FANCM: variants seen among roughly 807,000 people sequenced by gnomAD.
FANCM encodes FA complementation group M.
In FANCM, 140 loss-of-function variants were observed where a neutral mutation model predicts 199.5. The observed-to-expected ratio is 0.70, with a 90% CI of 0.61 to 0.81. The LOEUF is 0.81. FANCM is among the 30% of genes least tolerant of loss of function. FANCM has a pLI of 0.00. For missense variants in FANCM, 2,410 were observed against 2,421.4 expected, an observed-to-expected ratio of 1.00 and a Z score of 0.10; for synonymous variants, 840 against 836.8, an observed-to-expected ratio of 1.00 and a Z score of -0.07.
intron 5 of FANCM, among the ~76,000 whole-genome samples, chr14:45,152,274 C>CCTGT (rs1313254279): frequency 6.6e-6 from 1 of 152,076 alleles, no homozygotes; most frequent in Non-Finnish European, 1.5e-5. Flanking sequence ...AGGTGATCTG[C>CCTGT]CTGTCTCGGC....
At chr14:45,195,395 G>A (rs1483246267) in intron 20 of FANCM, 1 of 387,858 alleles carries the variant, frequency 2.6e-6, no homozygotes, top group Non-Finnish European at 5.2e-6. Context: ...TTAAGATTGA[G>A]AACTACTTTT....
rs1887117337 is a variant in FANCM at position 45,155,468 on chromosome 14, T to C, written c.1396+9T>C. On this transcript the variant is annotated intron_variant, in intron 8 of 22. Transcript: ENST00000267430. ...CTTCAAGTCATGGAATGGTAGGTCA[T>C]ATTTAGTAGCTTTAAGGCAAGACAA... 7.3e-7 allele frequency: 1 copy of C among 1,372,208 alleles called. No individual in the cohort carries two copies. Among genetic ancestry groups the C allele is most frequent in the East Asian group, 2.3e-5 (1 of 43,448 alleles). The allele number at this position is 1,372,208 out of a possible 1,614,324, so 85.0% of individuals were successfully genotyped here.
At chr14:45,180,338 C>T (rs1187953078) in intron 14 of FANCM, among the ~76,000 whole-genome samples, 1 of 152,096 alleles carries the variant, frequency 6.6e-6, no homozygotes, top group Non-Finnish European at 1.5e-5. Flanking sequence ...GGAGGATCTG[C>T]TTTTAAGATG....
intron 3 of FANCM, among the ~76,000 whole-genome samples, chr14:45,146,516 A>G (rs769757216): frequency 2.0e-5 from 3 of 151,508 alleles, no homozygotes; most frequent in Non-Finnish European, 2.9e-5. Context: ...ATTCTATCCT[A>G]TCTCTGGTTT....
At chr14:45,172,031 G>T (rs1278035918) in intron 12 of FANCM, among the ~76,000 whole-genome samples, 12 of 151,668 alleles carry the variant, frequency 7.9e-5, no homozygotes, top group Admixed American at 5.9e-4. Flanking sequence ...ATTATTTTTT[G>T]ATTTTTTTAA....
intron 8 of FANCM, among the ~76,000 whole-genome samples, chr14:45,157,227 C>T (rs1035990786): frequency 3.9e-5 from 6 of 152,072 alleles, no homozygotes; most frequent in Admixed American, 6.5e-5. Flanking sequence ...CATTAGATAA[C>T]CAAATCTGGA....
At chr14:45,140,570 A>C (rs1156414563) in intron 2 of FANCM, 62 bp from the exon 3 acceptor site, 3 of 887,696 alleles carry the variant, frequency 3.4e-6, no homozygotes, top group African/African-American at 3.3e-5. Flanking sequence ...TAGGTTGTTT[A>C]ACAGAACCAC....
intron 11 of FANCM, among the ~76,000 whole-genome samples, chr14:45,168,082 C>A (rs988152455): frequency 1.3e-5 from 2 of 152,048 alleles, no homozygotes; most frequent in East Asian, 3.9e-4. Context: ...TAACAGTTCT[C>A]TATATATTTG....
intron 5 of FANCM, among the ~76,000 whole-genome samples, chr14:45,151,795 G>A (rs997368986): frequency 2.6e-5 from 4 of 151,656 alleles, no homozygotes; most frequent in Non-Finnish European, 4.4e-5. Flanking sequence ...GTGGTGGTAT[G>A]TACCTACTCA....
intron 20 of FANCM, chr14:45,195,544 G>A (rs1280663571): frequency 2.2e-6 from 1 of 456,574 alleles, no homozygotes; most frequent in Non-Finnish European, 4.4e-6. Flanking sequence ...AGGAGCTCAT[G>A]GTCCACAGGA....
chr14:45,170,476 T>C, intron 11 of FANCM, 113 bp from the exon 12 acceptor site: 2 of 702,226 alleles, frequency 2.8e-6, no homozygotes. Context: ...CAGTGAGTTA[T>C]GAATGTGCTG....
In FANCM at chr14:45,179,840, G is replaced by A. The variant is rs144939427; in HGVS notation, c.4223-1590G>A. 5.7e-3 allele frequency among the ~76,000 whole-genome samples: 862 copies of A among 152,240 alleles called. 4 individuals are homozygous for A. The highest frequency in any genetic ancestry group is 0.02 in the African/African-American group (818 of 41,558). ...CTCCCAAAGTGCTGGGATTACAGGT[G>A]TGAGCCACCATGCCTGGCCCATTTT... is the stretch of plus-strand genomic sequence containing the variant. On this transcript the variant is annotated intron_variant, in intron 14 of 22. Coordinates refer to ENST00000267430, the MANE Select transcript of FANCM (RefSeq NM_020937.4).
chr14:45,199,999 T>C lies in FANCM; in HGVS notation c.6138T>C (p.Ser2046=), dbSNP rs746677351. The change falls in exon 23 of 23, where the codon TCT becomes TCC. Residue 2046 remains serine, a synonymous_variant. Coordinates refer to ENST00000267430, the MANE Select transcript of FANCM (RefSeq NM_020937.4). ...ATCTTAACCAAGATAGACTGAAATCTGATATATAATCAAGCTGCTCAAGAT... is the reference window on the plus strand; with the variant it reads ...ATCTTAACCAAGATAGACTGAAATCCGATATATAATCAAGCTGCTCAAGAT... ...PNDLNQDRLK[S]DI is the part of the protein sequence containing the mutation. 58 of 1,607,484 alleles carry C rather than the reference T, an allele frequency of 3.6e-5. No individual in the cohort carries two copies. Among genetic ancestry groups the C allele is most frequent in the Non-Finnish European group, 4.7e-5 (55 of 1,175,284 alleles).
intron 10 of FANCM, 24 bp downstream of exon 10, chr14:45,164,589 A>G (rs766900016): frequency 1.5e-5 from 23 of 1,551,434 alleles, no homozygotes; most frequent in South Asian, 8.0e-5. Context: ...CAGAAACACA[A>G]TTTGACACTT....
At position 45,196,210 on chromosome 14, in the gene FANCM, AT is replaced by A. The variant is rs1890046687; in HGVS notation, c.5380del (p.Ser1794ProfsTer9). 6.2e-7 allele frequency: 1 copy of A among 1,614,112 alleles called. No homozygotes were observed. The highest frequency in any genetic ancestry group is 8.5e-7 in the Non-Finnish European group (1 of 1,179,962). ...TGGAGGATTCTAGCACTTCAGGGGCATCCTGTTCCAAGTCAAGACCACATTT... is the reference window on the plus strand; with the variant it reads ...TGGAGGATTCTAGCACTTCAGGGGCACCTGTTCCAAGTCAAGACCACATTT... ...ALEDSSTSGA[S>X]CSKSRPHLAG... On this transcript the variant is annotated frameshift_variant, in exon 21 of 23. Coordinates refer to ENST00000267430, the MANE Select transcript of FANCM (RefSeq NM_020937.4). LOFTEE classifies it high-confidence loss of function.
chr14:45,144,504 A>G (rs992016541), intron 3 of FANCM, among the ~76,000 whole-genome samples: 21 of 152,164 alleles, frequency 1.4e-4, no homozygotes, highest in Non-Finnish European at 2.6e-4. Flanking sequence ...CAGAAACCTT[A>G]GAAATCTACC....
Position 45,135,945 on chromosome 14 carries a change from A to T in FANCM, c.-87A>T, listed in dbSNP as rs371598024. 3.4e-6 allele frequency: 5 copies of T among 1,455,618 alleles called. No homozygotes were observed. Among genetic ancestry groups the T allele is most frequent in the Non-Finnish European group, 9.6e-7 (1 of 1,042,166 alleles). 90.2% of individuals were successfully genotyped at this position (1,455,618 alleles called of 1,614,324 possible). On this transcript the variant is annotated 5_prime_UTR_variant, in exon 1 of 23. Transcript: ENST00000267430. The stretch of plus-strand genomic sequence containing the variant: ...CCTTCTCGTTCCAGAGTTTTGTGCG[A>T]AGGAAACCGATGGGGATCGGAACCG...
rs189106956 is a variant in FANCM at position 45,144,192 on chromosome 14, T to C, written c.759+3483T>C. 5.9e-3 allele frequency among the ~76,000 whole-genome samples: 894 copies of C among 152,300 alleles called. 15 individuals are homozygous for C. Among genetic ancestry groups the C allele is most frequent in the African/African-American group, 0.021 (854 of 41,552 alleles). Reference sequence around the variant, plus strand: ...TATTCTTTTTGTTACAATCCAGTTATACTCTTTTAGTTATTTTAAAATGTA... The same window carrying C: ...TATTCTTTTTGTTACAATCCAGTTACACTCTTTTAGTTATTTTAAAATGTA... On this transcript the variant is annotated intron_variant, in intron 3 of 22. Transcript: ENST00000267430.
Position 45,196,356 on chromosome 14 carries a change from G to T in FANCM, c.5525G>T (p.Gly1842Val). 1 of 1,614,044 alleles carries T rather than the reference G, an allele frequency of 6.2e-7. No individual in the cohort carries two copies. The highest frequency in any genetic ancestry group is 8.5e-7 in the Non-Finnish European group (1 of 1,179,944). ...EVISSLRAIH[G>V]LQVEVCPLNG... is the part of the protein sequence containing the mutation. ...ATTTCTTCCCTAAGAGCAATTCATG[G>T]GTTGCAAGTAGAAGTTTGTCCTCTT... Residue 1842 changes from glycine (G) to valine (V), a missense_variant, in exon 21 of 23, where the codon GGG becomes GTG. Transcript: ENST00000267430.
Sources: allele counts gnomAD v4.1 joint callset (sites outside exome capture counted in the v4.1 genomes callset), GRCh38; gene constraint gnomAD v4.1.1; transcripts MANE v1.5; gene names NCBI Gene and HGNC (gene_info 2026-07-23, HGNC 2026-07-21).